The following MKLN1 variants were observed in gnomAD, a reference collection of about 807,000 sequenced individuals.
MKLN1 encodes muskelin 1, also known as muskelin.
A neutral mutation model predicts 99.0 loss-of-function variants in MKLN1; 18 were observed. The observed-to-expected ratio is 0.18, with a 90% CI of 0.13 to 0.27. The LOEUF is 0.27. MKLN1 is among the 10% of genes least tolerant of loss of function. MKLN1 has a pLI of 1.00. For synonymous variants in MKLN1, 288 were observed against 293.2 expected (o/e 0.98, Z 0.18); for missense variants, 621 against 875.9 (o/e 0.71, Z 3.67).
chr7:131,122,615 C>G (rs1171817734), intron 1 of MKLN1, among the ~76,000 whole-genome samples: 1 of 152,146 alleles, frequency 6.6e-6, no homozygotes, highest in Non-Finnish European at 1.5e-5. Context: ...TCACTCATAA[C>G]GCTGCCCAGC....
intron 1 of MKLN1, among the ~76,000 whole-genome samples, chr7:131,123,954 T>C (rs985341164): frequency 2.0e-5 from 3 of 152,214 alleles, no homozygotes; most frequent in African/African-American, 7.2e-5. Flanking sequence ...ACAGTATCAA[T>C]GTATAAATGC....
intron 1 of MKLN1, among the ~76,000 whole-genome samples, chr7:131,128,993 C>T (rs1267721316): frequency 6.8e-6 from 1 of 146,728 alleles, no homozygotes; most frequent in East Asian, 2.0e-4. Context: ...GCGGTAGTGT[C>T]TTTAACATGC....
At chr7:131,141,418 C>G (rs2116258669) in intron 1 of MKLN1, among the ~76,000 whole-genome samples, 1 of 152,176 alleles carries the variant, frequency 6.6e-6, no homozygotes, top group East Asian at 1.9e-4. Context: ...GATCTCCAGT[C>G]CGGACTTTGC....
rs114214034 is a variant in MKLN1, at chr7:131,190,889, T to C, written c.-296-11968T>C. Among the ~76,000 whole-genome samples the C allele has an allele frequency of 8.3e-3, 1,258 of 152,304 alleles. 23 individuals are homozygous for C. Among genetic ancestry groups the C allele is most frequent in the African/African-American group, 0.028 (1,170 of 41,564 alleles). On this transcript the variant is annotated intron_variant, in intron 2 of 7. Transcript: ENST00000416992. ...GAGTTCTGTTGCTGGAAAAAGCAAC[T>C]CAGGCAGGTCTGTTAGACCACTGCT...
At chr7:131,408,095 A>G (rs532310591) in intron 6 of MKLN1, among the ~76,000 whole-genome samples, 4 of 152,208 alleles carry the variant, frequency 2.6e-5, no homozygotes, top group African/African-American at 7.2e-5. Flanking sequence ...ATTTCCGTCT[A>G]ATATATGAGA....
intron 3 of MKLN1, among the ~76,000 whole-genome samples, chr7:131,282,525 A>G (rs942218228): frequency 0.024 from 1 of 42 alleles, no homozygotes; most frequent in Admixed American, 0.17. Context: ...TTAGAGATCT[A>G]GCAAGTTCAG....
At chr7:131,368,001 A>G (rs1800231526) in intron 1 of MKLN1, among the ~76,000 whole-genome samples, 1 of 152,214 alleles carries the variant, frequency 6.6e-6, no homozygotes, top group Admixed American at 6.5e-5. Context: ...GGCTATATAT[A>G]CCACTAGTGA....
At chr7:131,316,939 C>T (rs996806975) in intron 3 of MKLN1, among the ~76,000 whole-genome samples, 3 of 152,018 alleles carry the variant, frequency 2.0e-5, no homozygotes, top group African/African-American at 7.3e-5. Context: ...ACAAAGCCTC[C>T]AAGAAATATG....
intron 2 of MKLN1, among the ~76,000 whole-genome samples, chr7:131,377,690 CT>C (rs1449515334): frequency 6.6e-6 from 1 of 152,038 alleles, no homozygotes; most frequent in Non-Finnish European, 1.5e-5. Context: ...GAATTTAATA[CT>C]TTTCTTAACT....
intron 1 of MKLN1, among the ~76,000 whole-genome samples, chr7:131,369,653 G>A (rs770174633): frequency 6.6e-6 from 1 of 152,100 alleles, no homozygotes; most frequent in Admixed American, 6.6e-5. Context: ...ACTATTGTTT[G>A]TCTCCTGTTT....
chr7:131,282,550 C>T (rs955805439), intron 3 of MKLN1, among the ~76,000 whole-genome samples: 1 of 151,932 alleles, frequency 6.6e-6, no homozygotes, highest in Non-Finnish European at 1.5e-5. Context: ...TGAGGAGGGA[C>T]GTGGAGGCTA....
intron 1 of MKLN1, among the ~76,000 whole-genome samples, chr7:131,363,373 CT>C (rs1471818404): frequency 6.6e-6 from 1 of 152,002 alleles, no homozygotes; most frequent in African/African-American, 2.4e-5. Context: ...TGAATCTTAT[CT>C]CTCCTGGAGG....
Position 131,244,666 on chromosome 7 carries a change from C to T in MKLN1, c.-179+41692C>T, listed in dbSNP as rs961444044. On this transcript the variant is annotated intron_variant, in intron 3 of 7. Transcript: ENST00000416992. ...ACAGCAAGTAGAGTTACAGTGACGA[C>T]GGTGATGACGGTGATGACGATGATG... Among the ~76,000 whole-genome samples, 5 of 152,290 alleles carry T rather than the reference C, an allele frequency of 3.3e-5. No individual in the cohort carries two copies. The South Asian group carries it at 6.2e-4, about 19-fold the overall frequency.
chr7:131,281,414 T>C (rs1254191091), intron 3 of MKLN1, among the ~76,000 whole-genome samples: 1 of 152,222 alleles, frequency 6.6e-6, no homozygotes, highest in Non-Finnish European at 1.5e-5. Flanking sequence ...CCTTATGCCT[T>C]ATGTCGTGAT....
At chr7:131,368,875 A>T (rs1467275193) in intron 1 of MKLN1, among the ~76,000 whole-genome samples, 2 of 152,184 alleles carry the variant, frequency 1.3e-5, no homozygotes, top group Admixed American at 6.5e-5. Context: ...TATGAATAAT[A>T]TGACAAATAA....
At chr7:131,181,725 T>C (rs1796379527) in intron 2 of MKLN1, among the ~76,000 whole-genome samples, 2 of 150,818 alleles carry the variant, frequency 1.3e-5, no homozygotes, top group African/African-American at 4.9e-5. Context: ...AGTGGCACGA[T>C]CTCAGCTCAC....
In MKLN1 at chr7:131,486,018, A is replaced by G. The variant is rs914924646; in HGVS notation, c.2087-1589A>G. Among the ~76,000 whole-genome samples, 14 of 152,132 alleles carry G rather than the reference A, an allele frequency of 9.2e-5. No individual in the cohort carries two copies. The East Asian group carries it at 1.4e-3, about 15-fold the overall frequency. ...TCTGAGCTGAAATTAGTTTGAGCCT[A>G]TAGGGGGCAAAGCTGTCTAAAACTC... On this transcript the variant is annotated intron_variant, in intron 17 of 17. Transcript: ENST00000352689.
intron 3 of MKLN1, among the ~76,000 whole-genome samples, chr7:131,277,274 C>T (rs1563276304): frequency 6.6e-6 from 1 of 151,416 alleles, no homozygotes; most frequent in South Asian, 2.1e-4. Flanking sequence ...TAGTTTACAA[C>T]AATCAATTGT....
intron 1 of MKLN1, among the ~76,000 whole-genome samples, chr7:131,353,512 G>A (rs1009027428): frequency 2.0e-5 from 3 of 152,052 alleles, no homozygotes; most frequent in African/African-American, 7.2e-5. Flanking sequence ...GTGTTTAGGT[G>A]TATGTTTTAG....
Sources: gnomAD v4.1 joint callset for allele counts (sites outside exome capture counted in the v4.1 genomes callset) on GRCh38, gnomAD v4.1.1 for gene constraint, MANE v1.5 for transcripts, NCBI Gene and HGNC (gene_info 2026-07-23, HGNC 2026-07-21) for gene names.